Variants in CPNE9 observed in about 807,000 individuals in gnomAD.
CPNE9 encodes the protein copine-9.
CPNE9 carries 59 observed loss-of-function variants against 83.0 expected under a neutral mutation model. That is an observed-to-expected ratio of 0.71 (90% confidence interval 0.58 to 0.88). CPNE9 has a LOEUF of 0.88. CPNE9 is among the 40% of genes least tolerant of loss of function. The pLI, the probability that CPNE9 is intolerant of heterozygous loss-of-function variation, is 0.00. For synonymous variants in CPNE9, 256 were observed against 273.4 expected (o/e 0.94, Z 0.63); for missense variants, 619 against 720.8 (o/e 0.86, Z 1.62).
intron 20 of CPNE9, among the ~76,000 whole-genome samples, chr3:9,728,505 C>T (rs551538458): frequency 1.8e-4 from 27 of 151,112 alleles, no homozygotes; most frequent in Non-Finnish European, 1.9e-4. Context: ...TGTCTGTAAT[C>T]CCAGCTACTT....
chr3:9,727,342 A>T, intron 20 of CPNE9, 156 bp downstream of exon 20: 1 of 887,282 alleles, frequency 1.1e-6, no homozygotes, highest in Non-Finnish European at 1.9e-6. Context: ...CTTTTTGACA[A>T]ACAGGAAGGT....
At chr3:9,721,915 T>A (rs1250764066) in intron 17 of CPNE9, among the ~76,000 whole-genome samples, 1 of 151,900 alleles carries the variant, frequency 6.6e-6, no homozygotes, top group Admixed American at 6.6e-5. Flanking sequence ...AACTGTTTTT[T>A]GTTTTTAGTT....
At position 9,718,235 on chromosome 3, in the gene CPNE9, C is replaced by A. The variant is rs1442754999; in HGVS notation, c.1113+25C>A. ...GGTATGGTATTGGCCAGAGCTTACC[C>A]TCCGTGCCCTGGCATCTGGTTCACC... is the stretch of plus-strand genomic sequence containing the variant. On this transcript the variant is annotated intron_variant, in intron 16 of 20. Transcript: ENST00000383832. 3 of 1,575,106 alleles carry A rather than the reference C, an allele frequency of 1.9e-6. No homozygotes were observed. In the East Asian group the frequency reaches 6.8e-5, roughly 35 times the overall value.
chr3:9,722,319 G>A (rs1286260050), intron 17 of CPNE9, among the ~76,000 whole-genome samples: 1 of 152,168 alleles, frequency 6.6e-6, no homozygotes. Flanking sequence ...TGATTTTGAT[G>A]ATCACAATGG....
rs1369488084 is a variant in CPNE9, at chr3:9,712,599, TGTCGG to T, written c.440_441+3del. On this transcript the variant is annotated frameshift_variant and splice_region_variant, in exon 8 of 21. Coordinates refer to ENST00000383832, the MANE Select transcript of CPNE9 (RefSeq NM_153635.3). LOFTEE classifies it high-confidence loss of function. ...GCTGACTGCAGAAGAGCTTAGCAAT[TGTCGG>T]GTCAGTAAGGGCCACATGCTAGACC... The T allele has an allele frequency of 6.2e-7, 1 of 1,614,026 alleles. No individual in the cohort carries two copies.
chr3:9,705,858 A>C, intron 6 of CPNE9, 129 bp from the exon 7 acceptor site: 2 of 1,340,278 alleles, frequency 1.5e-6, no homozygotes, highest in Non-Finnish European at 2.1e-6. Flanking sequence ...AAGCCCATGT[A>C]GGGCCGTGGC....
intron 7 of CPNE9, among the ~76,000 whole-genome samples, chr3:9,709,071 C>T (rs1459157698): frequency 6.6e-6 from 1 of 150,874 alleles, no homozygotes; most frequent in African/African-American, 2.4e-5. Context: ...GTCCAGAGTT[C>T]CAGACCAGCC....
Position 9,706,063 on chromosome 3 carries a change from C to G in CPNE9, c.377C>G (p.Thr126Arg). The G allele has an allele frequency of 6.2e-7, 1 of 1,613,112 alleles. No individual in the cohort carries two copies. Among genetic ancestry groups the G allele is most frequent in the Non-Finnish European group, 8.5e-7 (1 of 1,179,884 alleles). ...GQGSRVERTL[T>R]GVPGKKCGTI... ...GGCAGCCGAGTAGAGCGAACCCTCA[C>G]GTAAGCTGAATAGGAAGGGGTGTGG... Residue 126 changes from threonine (T) to arginine (R), a missense_variant and splice_region_variant, in exon 7 of 21, where the codon ACG (threonine) becomes AGG (arginine). Around this residue, in one of 3 missense-constraint regions of CPNE9, gnomAD observed 438 missense variants for 562.9 expected, o/e 0.78. Transcript: ENST00000383832.
intron 20 of CPNE9, among the ~76,000 whole-genome samples, chr3:9,728,726 G>GT (rs1037231311): frequency 4.6e-5 from 7 of 152,020 alleles, no homozygotes; most frequent in South Asian, 2.1e-4. Flanking sequence ...ATTTTCTTTT[G>GT]TTTTTTTTCT....
chr3:9,723,009 C>G (rs1297707090), intron 17 of CPNE9, among the ~76,000 whole-genome samples: 7 of 152,216 alleles, frequency 4.6e-5, no homozygotes, highest in African/African-American at 1.7e-4. Flanking sequence ...TCCTCTCTCT[C>G]CCCAAGGACA....
intron 11 of CPNE9, 123 bp downstream of exon 11, chr3:9,715,078 C>T: frequency 1.0e-6 from 1 of 963,926 alleles, no homozygotes; most frequent in Non-Finnish European, 1.6e-6. Context: ...TGATAAACAC[C>T]AGTGTCTTGG....
At chr3:9,718,414 T>A in intron 16 of CPNE9, 61 bp from the exon 17 acceptor site, 2 of 1,565,986 alleles carry the variant, frequency 1.3e-6, no homozygotes, top group Non-Finnish European at 1.7e-6. Flanking sequence ...TGAGCTGGAA[T>A]CAGAGCACTC....
At chr3:9,705,908 G>A in intron 6 of CPNE9, 79 bp from the exon 7 acceptor site, 1 of 1,505,894 alleles carries the variant, frequency 6.6e-7, no homozygotes, top group Admixed American at 1.7e-5. Flanking sequence ...CCCTGGTCCT[G>A]TGCAGGAGCA....
chr3:9,713,183 C>G, intron 10 of CPNE9, 104 bp downstream of exon 10: 2 of 870,022 alleles, frequency 2.3e-6, no homozygotes, highest in Non-Finnish European at 3.6e-6. Flanking sequence ...TTGGAGGGTC[C>G]TGCTCAGTGA....
At chr3:9,724,028 C>T (rs2076755247) in intron 17 of CPNE9, among the ~76,000 whole-genome samples, 1 of 152,074 alleles carries the variant, frequency 6.6e-6, no homozygotes, top group Admixed American at 6.6e-5. Context: ...CTAGGGTGGC[C>T]AAGGAACTGA....
intron 17 of CPNE9, among the ~76,000 whole-genome samples, chr3:9,720,549 C>G (rs115458069): frequency 6.6e-6 from 1 of 151,890 alleles, no homozygotes; most frequent in Non-Finnish European, 1.5e-5. Context: ...TAATCATAAC[C>G]GTAGAAAGTT....
chr3:9,715,443 C>T, intron 12 of CPNE9, 30 bp from the exon 13 acceptor site: 2 of 1,613,018 alleles, frequency 1.2e-6, no homozygotes, highest in East Asian at 4.5e-5. Flanking sequence ...TCCTTTGTTT[C>T]TCATCATCAC....
Position 9,713,003 on chromosome 3 carries a change from G to C in CPNE9, c.574G>C (p.Val192Leu). The change falls in exon 10 of 21, where the codon GTG becomes CTG. Residue 192 changes from valine to leucine, a missense_variant. This residue lies in a region of CPNE9 where 438 missense variants were observed against 562.9 expected (regional missense o/e 0.78). Transcript: ENST00000383832. ...TFTICHKTEV[V>L]KNTLNPVWQP... is the part of the protein sequence containing the mutation. ...CACCATCTGCCACAAGACAGAGGTT[G>C]TGAAAAACACGCTGAATCCTGTGTG... The C allele has an allele frequency of 1.2e-6, 2 of 1,614,210 alleles. No individual in the cohort carries two copies. The highest frequency in any genetic ancestry group is 1.7e-6 in the Non-Finnish European group (2 of 1,180,034).
intron 14 of CPNE9, among the ~76,000 whole-genome samples, chr3:9,716,474 ATTT>A (rs111336803): frequency 6.8e-6 from 1 of 147,624 alleles, no homozygotes; most frequent in Non-Finnish European, 1.5e-5. Context: ...TAAAATGAGG[ATTT>A]TTTTTTTTTT....
Sources: gnomAD v4.1 joint callset for allele counts (sites outside exome capture counted in the v4.1 genomes callset) on GRCh38, gnomAD v4.1.1 for gene constraint, gnomAD v4.1.1 regional missense constraint, MANE v1.5 for transcripts, NCBI Gene and HGNC (gene_info 2026-07-23, HGNC 2026-07-21) for gene names.